ABLIM1: variants seen among roughly 807,000 people sequenced by gnomAD.
The protein encoded by ABLIM1 is actin-binding LIM protein 1.
Under a neutral mutation model 107.0 loss-of-function variants are expected in ABLIM1, and 40 were observed. The observed-to-expected ratio is 0.37, with a 90% CI of 0.29 to 0.49. The LOEUF (loss-of-function observed/expected upper bound fraction) is 0.49, where lower values mean the gene tolerates loss of function less well. ABLIM1 is among the 20% of genes least tolerant of loss of function. The pLI is 0.97. For synonymous variants in ABLIM1, 357 were observed against 357.3 expected (o/e 1.00, Z 0.01); for missense variants, 857 against 1,008.5 (o/e 0.85, Z 2.04).
intron 2 of ABLIM1, among the ~76,000 whole-genome samples, chr10:114,583,351 GACA>G (rs1252157770): frequency 2.8e-5 from 4 of 141,290 alleles, no homozygotes; most frequent in East Asian, 2.4e-4. Flanking sequence ...GTCAAAAAGA[GACA>G]ACAACAAACA....
chr10:114,730,379 C>G (rs1431215289), intron 1 of ABLIM1, among the ~76,000 whole-genome samples: 1 of 121,496 alleles, frequency 8.2e-6, no homozygotes, highest in African/African-American at 3.3e-5. Context: ...GTCTGGTCAA[C>G]AGTGTGAAAC....
chr10:114,498,851 A>G (rs1263143986), intron 6 of ABLIM1, among the ~76,000 whole-genome samples: 1 of 152,206 alleles, frequency 6.6e-6, no homozygotes, highest in Non-Finnish European at 1.5e-5. Flanking sequence ...AAATGGCCAC[A>G]CACACTTGTC....
chr10:114,788,356 A>G, the ABLIM1 span, among the ~76,000 whole-genome samples: 1 of 150,130 alleles, frequency 6.7e-6, no homozygotes, highest in Non-Finnish European at 1.5e-5. Context: ...AAATAAATAA[A>G]TAAATAAATA....
chr10:114,494,471 G>A (rs1232544846), intron 6 of ABLIM1, among the ~76,000 whole-genome samples: 2 of 152,190 alleles, frequency 1.3e-5, no homozygotes, highest in Admixed American at 6.5e-5. Flanking sequence ...GGAGGCTGAG[G>A]CTGCAGTGAG....
intron 6 of ABLIM1, among the ~76,000 whole-genome samples, chr10:114,505,172 A>G (rs2060958609): frequency 6.6e-6 from 1 of 152,228 alleles, no homozygotes; most frequent in African/African-American, 2.4e-5. Flanking sequence ...TGAGAAATTC[A>G]TCATGCTTCT....
chr10:114,534,648 G>T (rs548948096), intron 6 of ABLIM1, among the ~76,000 whole-genome samples: 3 of 152,016 alleles, frequency 2.0e-5, no homozygotes, highest in Non-Finnish European at 4.4e-5. Flanking sequence ...CCACCCCGCC[G>T]CATGTGGGGC....
intron 1 of ABLIM1, among the ~76,000 whole-genome samples, chr10:114,699,118 A>AAG (rs1317725092): frequency 6.6e-6 from 1 of 151,820 alleles, no homozygotes; most frequent in Non-Finnish European, 1.5e-5. Flanking sequence ...AAAAAAAAAA[A>AAG]AAGAATTGGA....
chr10:114,648,752 A>G (rs2079111803), intron 1 of ABLIM1, among the ~76,000 whole-genome samples: 1 of 152,218 alleles, frequency 6.6e-6, no homozygotes, highest in Non-Finnish European at 1.5e-5. Context: ...TAGTCTGAAG[A>G]AACCACGGAA....
intron 4 of ABLIM1, among the ~76,000 whole-genome samples, chr10:114,550,987 T>C (rs567970395): frequency 1.3e-5 from 2 of 152,360 alleles, no homozygotes; most frequent in South Asian, 2.1e-4. Context: ...TTGACAGAGC[T>C]GTTTGCAGTC....
chr10:114,636,947 C>T (rs907276739), intron 1 of ABLIM1, among the ~76,000 whole-genome samples: 6 of 150,526 alleles, frequency 4.0e-5, no homozygotes, highest in South Asian at 2.1e-4. Context: ...GCAGGAGAAT[C>T]GCTTGAACCC....
the ABLIM1 span, among the ~76,000 whole-genome samples, chr10:114,783,687 G>A: frequency 0.052 from 7,905 of 151,986 alleles, 724 homozygotes; most frequent in African/African-American, 0.18. Context: ...TATCTCTCTC[G>A]GTGTGCAGGT....
intron 7 of ABLIM1, 22 bp from the exon 8 acceptor site, chr10:114,488,038 C>G (rs755147449): frequency 6.2e-7 from 1 of 1,613,794 alleles, no homozygotes; most frequent in Admixed American, 1.7e-5. Flanking sequence ...GAATGCACTA[C>G]TAAGAGCCAG....
chr10:114,593,037 T>C (rs1003223512), intron 2 of ABLIM1, among the ~76,000 whole-genome samples: 5 of 31,584 alleles, frequency 1.6e-4, no homozygotes, highest in African/African-American at 2.7e-4. Context: ...ACTCTGAGTA[T>C]GGGGTACTCA....
At chr10:114,781,290 G>A in the ABLIM1 span, among the ~76,000 whole-genome samples, 1 of 152,044 alleles carries the variant, frequency 6.6e-6, no homozygotes, top group African/African-American at 2.4e-5. Flanking sequence ...TATCGCTTAA[G>A]CTCAGGACTT....
At chr10:114,727,057 C>T (rs1328389025) in intron 1 of ABLIM1, among the ~76,000 whole-genome samples, 1 of 152,172 alleles carries the variant, frequency 6.6e-6, no homozygotes, top group Non-Finnish European at 1.5e-5. Context: ...CTCAAAATGT[C>T]GTCATCAAAA....
intron 3 of ABLIM1, among the ~76,000 whole-genome samples, chr10:114,574,385 C>T (rs2072163370): frequency 6.6e-6 from 1 of 152,146 alleles, no homozygotes; most frequent in Non-Finnish European, 1.5e-5. Flanking sequence ...CCCACATTTT[C>T]CCACTCACAC....
intron 2 of ABLIM1, among the ~76,000 whole-genome samples, chr10:114,589,059 T>C (rs1041301948): frequency 1.3e-5 from 2 of 152,156 alleles, no homozygotes; most frequent in Admixed American, 1.3e-4. Flanking sequence ...CCTAGTATAA[T>C]GTGTACATTT....
In ABLIM1 at chr10:114,434,624, G is replaced by A. The variant is rs1266389608; in HGVS notation, c.*1636C>T. On this transcript the variant is annotated 3_prime_UTR_variant, in exon 23 of 23. Coordinates refer to ENST00000533213, the MANE Select transcript of ABLIM1 (RefSeq NM_002313.7). ...GGTAAATTCAAATGTTTTCTTCTTC[G>A]GCTTTAAAACAGAGCTTAAATTCTT... 1.3e-5 allele frequency: 2 copies of A among 152,104 alleles called. No homozygotes were observed. The highest frequency in any genetic ancestry group is 2.1e-4 in the South Asian group (1 of 4,806). 9.4% of individuals were successfully genotyped at this position (152,104 alleles called of 1,614,324 possible). A position where few individuals can be genotyped will look rare whatever the true frequency, so the allele number is the denominator to read the frequency against.
At chr10:114,762,050 T>C (rs183508084) in intron 1 of ABLIM1, among the ~76,000 whole-genome samples, 87 of 152,094 alleles carry the variant, frequency 5.7e-4, no homozygotes, top group Non-Finnish European at 2.9e-4. Flanking sequence ...TCCTTTTTTT[T>C]TGAGATGGAG....
Sources: gnomAD v4.1 joint callset for allele counts (sites outside exome capture counted in the v4.1 genomes callset) on GRCh38, gnomAD v4.1.1 for gene constraint, MANE v1.5 for transcripts, NCBI Gene and HGNC (gene_info 2026-07-23, HGNC 2026-07-21) for gene names.